KCP: variants seen among roughly 807,000 people sequenced by gnomAD.
The protein encoded by KCP is kielin/chordin-like protein.
Under a neutral mutation model 212.7 loss-of-function variants are expected in KCP, and 194 were observed. The ratio of observed to expected loss-of-function variants is 0.91; its 90% CI spans 0.81 to 1.03. KCP has a LOEUF of 1.03. Among genes scored for constraint, KCP ranks in the 50% least tolerant of loss-of-function variants. The pLI, the probability that KCP is intolerant of heterozygous loss-of-function variation, is 0.00. For missense variants in KCP, 2,080 were observed against 2,162.5 expected (o/e 0.96, Z 0.76); for synonymous variants, 833 against 865.3 (o/e 0.96, Z 0.65).
chr7:128,908,395 C>A (rs1202954744), intron 2 of KCP, 31 bp downstream of exon 2: 2 of 1,538,760 alleles, frequency 1.3e-6, no homozygotes, highest in Non-Finnish European at 1.8e-6. Flanking sequence ...CCCTCCTTAC[C>A]CAATGCAAAC....
Position 128,904,285 on chromosome 7 carries a change from G to A in KCP, c.572-147C>T, listed in dbSNP as rs367796683. Reference sequence around the variant, plus strand: ...GGGCAGGACAGGGCAGGAGGTCACCGGGCCGGCAGATGGGGCAGCACTCCC... The same window carrying A: ...GGGCAGGACAGGGCAGGAGGTCACCAGGCCGGCAGATGGGGCAGCACTCCC... On this transcript the variant is annotated intron_variant, in intron 5 of 39. Coordinates refer to ENST00000610776, the MANE Select transcript of KCP (RefSeq NM_001366122.1). The A allele has an allele frequency of 4.6e-5, 71 of 1,552,812 alleles. No homozygotes were observed. The African/African-American group carries it at 7.7e-4, about 17-fold the overall frequency.
chr7:128,902,106 G>A (rs543993623), intron 8 of KCP, among the ~76,000 whole-genome samples: 1 of 152,282 alleles, frequency 6.6e-6, no homozygotes, highest in South Asian at 2.1e-4. Flanking sequence ...CATTGCCCAG[G>A]CTGGTCTCAA....
intron 22 of KCP, among the ~76,000 whole-genome samples, chr7:128,888,223 C>G (rs1336652710): frequency 6.6e-6 from 1 of 151,228 alleles, no homozygotes; most frequent in Non-Finnish European, 1.5e-5. Flanking sequence ...GCCACACACA[C>G]AGATACACAG....
intron 4 of KCP, among the ~76,000 whole-genome samples, chr7:128,906,887 G>A (rs573293071): frequency 2.0e-4 from 31 of 152,176 alleles, no homozygotes; most frequent in African/African-American, 7.0e-4. Flanking sequence ...TGCCACTGTT[G>A]GCCAGGTCTG....
chr7:128,910,691 G>C lies in KCP; in HGVS notation c.-15C>G. The C allele has an allele frequency of 6.7e-7, 1 of 1,483,678 alleles. No homozygotes were observed. Among genetic ancestry groups the C allele is most frequent in the Non-Finnish European group, 8.9e-7 (1 of 1,123,402 alleles). 91.9% of individuals were successfully genotyped at this position (1,483,678 alleles called of 1,614,324 possible). A position where few individuals can be genotyped will look rare whatever the true frequency, so the allele number is the denominator to read the frequency against. On this transcript the variant is annotated 5_prime_UTR_variant, in exon 1 of 40. Coordinates refer to ENST00000610776, the MANE Select transcript of KCP (RefSeq NM_001366122.1). ...ACCCCGGCCATGCTAGCTCCGCCTC[G>C]CTCGGCTCGCCGTCTGTCGTCGCGG... is the stretch of plus-strand genomic sequence containing the variant.
Position 128,877,661 on chromosome 7 carries a change from T to C in KCP, c.4441A>G (p.Ser1481Gly), listed in dbSNP as rs866511239. 3.0e-5 allele frequency: 46 copies of C among 1,551,392 alleles called. 1 individual carries two copies. The Middle Eastern group carries it at 4.3e-3, about 146-fold the overall frequency. Reference protein sequence around the residue: ...RCGVLKSSPFSRCHAVVPPEP... With the variant: ...RCGVLKSSPFGRCHAVVPPEP... ...GGTGGCACCACAGCATGGCAGCGAC[T>C]GAATGGGGAGGACTTCAGCACCCCA... The change falls in exon 39 of 40, where the codon AGT becomes GGT. Residue 1481 changes from serine to glycine, a missense_variant. Transcript: ENST00000610776.
intron 2 of KCP, 107 bp from the exon 3 acceptor site, chr7:128,907,560 T>C: frequency 1.3e-6 from 1 of 743,994 alleles, no homozygotes; most frequent in South Asian, 3.3e-5. Context: ...AGTTCGCCAA[T>C]TCCAGAGCAG....
intron 1 of KCP, 21 bp from the exon 2 acceptor site, chr7:128,908,589 A>G: frequency 6.5e-7 from 1 of 1,545,330 alleles, no homozygotes; most frequent in East Asian, 2.5e-5. Flanking sequence ...CAAGAATCCC[A>G]TGTGGGCCTG....
chr7:128,897,488 T>C (rs779301145), intron 8 of KCP, among the ~76,000 whole-genome samples: 3 of 152,226 alleles, frequency 2.0e-5, no homozygotes, highest in Non-Finnish European at 4.4e-5. Flanking sequence ...GATGTTTATA[T>C]AGAAAAGAGC....
In KCP at chr7:128,883,148, T is replaced by C. The variant is rs887709285; in HGVS notation, c.3244+854A>G. Reference sequence around the variant, plus strand: ...AAAAAAAGTATGTTTTTTCTTTCTTTTTTTTTTTTTGAGACAGAATCTCGC... The same window carrying C: ...AAAAAAAGTATGTTTTTTCTTTCTTCTTTTTTTTTTGAGACAGAATCTCGC... On this transcript the variant is annotated intron_variant, in intron 29 of 39. Coordinates refer to ENST00000610776, the MANE Select transcript of KCP (RefSeq NM_001366122.1). 2.0e-5 allele frequency among the ~76,000 whole-genome samples: 3 copies of C among 151,104 alleles called. 1 individual carries two copies. Among genetic ancestry groups the C allele is most frequent in the South Asian group, 4.2e-4 (2 of 4,818 alleles).
At chr7:128,907,015 G>C in intron 4 of KCP, 86 bp downstream of exon 4, 5 of 1,314,266 alleles carry the variant, frequency 3.8e-6, no homozygotes, top group Non-Finnish European at 5.3e-6. Context: ...CCCATTATGC[G>C]ACATCTTGAG....
chr7:128,904,008 G>A (rs1462988707), intron 6 of KCP, 48 bp downstream of exon 6: 1 of 1,487,606 alleles, frequency 6.7e-7, no homozygotes, highest in Non-Finnish European at 9.2e-7. Context: ...GGCAGGGCAG[G>A]TGTCCAGGGA....
At chr7:128,905,599 C>G (rs1029224751) in intron 5 of KCP, among the ~76,000 whole-genome samples, 2 of 152,222 alleles carry the variant, frequency 1.3e-5, no homozygotes, top group African/African-American at 4.8e-5. Context: ...CCCGACGCCT[C>G]TGTCTGCATC....
Position 128,888,869 on chromosome 7 carries a change from A to G in KCP, c.2506T>C (p.Cys836Arg). 1 of 1,549,208 alleles carries G rather than the reference A, an allele frequency of 6.5e-7. No individual in the cohort carries two copies. The highest frequency in any genetic ancestry group is 1.2e-5 in the South Asian group (1 of 83,978). The change falls in exon 22 of 40, where the codon TGC becomes CGC. Residue 836 changes from cysteine to arginine, a missense_variant. Transcript: ENST00000610776. ...LIPSGHCCPTCQGCRYHGVTT... is the reference protein window; with the variant it reads ...LIPSGHCCPTRQGCRYHGVTT... Reference sequence around the variant, plus strand: ...AGGGCAGGTGTGGCTCTACCCTGGCAGGTCGGGCAGCAGTGCCCAGAGGGG... The same window carrying G: ...AGGGCAGGTGTGGCTCTACCCTGGCGGGTCGGGCAGCAGTGCCCAGAGGGG...
chr7:128,891,567 G>A, intron 17 of KCP, 34 bp from the exon 18 acceptor site: 2 of 1,540,666 alleles, frequency 1.3e-6, no homozygotes. Context: ...CTGGGAGAGG[G>A]CGACTGCCCC....
In KCP at chr7:128,907,379, C is replaced by A. The variant is rs1428782834; in HGVS notation, c.294G>T (p.Gly98=). 1.3e-6 allele frequency: 2 copies of A among 1,539,316 alleles called. No individual in the cohort carries two copies. The change falls in exon 3 of 40, where the codon GGG becomes GGT. Residue 98 remains glycine (G), a synonymous_variant. Coordinates refer to ENST00000610776, the MANE Select transcript of KCP (RefSeq NM_001366122.1). Reference sequence around the variant, plus strand: ...CCCCCTCGGGCCAGGCACGCCCCAGCCCCCAGCACTGGGGAGATGCAGGGT... The same window carrying A: ...CCCCCTCGGGCCAGGCACGCCCCAGACCCCAGCACTGGGGAGATGCAGGGT... ...ECHPASPQCW[G]LGRAWPEGAR...
At chr7:128,909,859 C>G (rs55908117) in intron 1 of KCP, among the ~76,000 whole-genome samples, 38,839 of 152,050 alleles carry the variant, frequency 0.26, 6,813 homozygotes, top group East Asian at 0.57. Context: ...CTCCGTCCCT[C>G]TACTGGGGAT....
At chr7:128,888,283 C>T (rs1793838504) in intron 22 of KCP, among the ~76,000 whole-genome samples, 1 of 144,516 alleles carries the variant, frequency 6.9e-6, no homozygotes, top group Admixed American at 6.9e-5. Flanking sequence ...TACACTGTCA[C>T]ACACACAGAG....
At position 128,893,261 on chromosome 7, in the gene KCP, G is replaced by A. The variant is rs199677638; in HGVS notation, c.1244C>T (p.Ala415Val). 3.9e-3 allele frequency: 5,973 copies of A among 1,551,402 alleles called. 156 individuals are homozygous for A. In the South Asian group the frequency reaches 0.052, roughly 13 times the overall value. ...ACCTGGGCAGAGCTGGCGGCCAGAG[G>A]CAGGCAGGGCACAGGGGGTGACTGG... ...ECPVTPCALP[A>V]SGRQLCPACE... Residue 415 changes from alanine to valine, a missense_variant, in exon 13 of 40, where the codon GCC becomes GTC. Coordinates refer to ENST00000610776, the MANE Select transcript of KCP (RefSeq NM_001366122.1).
Sources: allele counts gnomAD v4.1 joint callset (sites outside exome capture counted in the v4.1 genomes callset), GRCh38; gene constraint gnomAD v4.1.1; transcripts MANE v1.5; gene names NCBI Gene and HGNC (gene_info 2026-07-23, HGNC 2026-07-21).